The following PICALM variants were observed in gnomAD, a reference collection of about 807,000 sequenced individuals.
The protein encoded by PICALM is phosphatidylinositol-binding clathrin assembly protein.
In PICALM, 40 loss-of-function variants were observed where a neutral mutation model predicts 80.5. That is an observed-to-expected ratio of 0.50 (90% confidence interval 0.39 to 0.65). The LOEUF is 0.65. Ranked by LOEUF, PICALM falls within the 30% of genes least tolerant of loss-of-function variation. The pLI is 0.00. For missense variants in PICALM, 676 were observed against 778.9 expected (o/e 0.87, Z 1.57); for synonymous variants, 288 against 260.3 (o/e 1.11, Z -1.02).
In PICALM at chr11:86,060,577, C is replaced by G. The variant is rs1056952415; in HGVS notation, c.130+8074G>C. On this transcript the variant is annotated intron_variant, in intron 1 of 19. Transcript: ENST00000393346. ...CAAATAATGTCTTAGTATATGAAAA[C>G]AGTTTTGAACTCACAAACTTGCTGA... Among the ~76,000 whole-genome samples, 61 of 152,052 alleles carry G rather than the reference C, an allele frequency of 4.0e-4. 1 individual carries two copies. The highest frequency in any genetic ancestry group is 9.8e-4 in the Admixed American group (15 of 15,254).
At chr11:86,050,456 C>T (rs2096166898) in intron 1 of PICALM, among the ~76,000 whole-genome samples, 1 of 152,120 alleles carries the variant, frequency 6.6e-6, no homozygotes, top group East Asian at 1.9e-4. Context: ...TGACCTATTA[C>T]AGATTTCTAA....
intron 19 of PICALM, among the ~76,000 whole-genome samples, chr11:85,973,640 C>T (rs1033136386): frequency 1.3e-5 from 2 of 151,950 alleles, no homozygotes; most frequent in Admixed American, 1.3e-4. Context: ...GGAACATATC[C>T]CCCAAAGAGA....
rs781335405 is a variant in PICALM, at chr11:85,959,058, T to C, written c.1947A>G (p.Ile649Met). The C allele has an allele frequency of 6.3e-7, 1 of 1,584,226 alleles. No homozygotes were observed. The highest frequency in any genetic ancestry group is 8.6e-7 in the Non-Finnish European group (1 of 1,158,946). The change falls in exon 20 of 20, where the codon ATA becomes ATG. Residue 649 changes from isoleucine to methionine, a missense_variant and splice_region_variant. This residue lies in a region of PICALM where 391 missense variants were observed against 383.6 expected (regional missense o/e 1.02). Transcript: ENST00000393346. ...NPFGPVSGAQ[I>M]QFM ...TTCTTCCATCAAGTTACATAAACTGTATCTGGAAAAAAAAAGTGGGTATGT... is the reference window on the plus strand; with the variant it reads ...TTCTTCCATCAAGTTACATAAACTGCATCTGGAAAAAAAAAGTGGGTATGT...
intron 8 of PICALM, among the ~76,000 whole-genome samples, chr11:86,007,185 C>T (rs1316496282): frequency 6.6e-6 from 1 of 152,156 alleles, no homozygotes; most frequent in Admixed American, 6.5e-5. Context: ...AAAATAAATA[C>T]TGGATAATTC....
chr11:86,000,161 G>A (rs2095099183), intron 11 of PICALM, among the ~76,000 whole-genome samples: 1 of 152,288 alleles, frequency 6.6e-6, no homozygotes, highest in East Asian at 1.9e-4. Context: ...GATTATTAAA[G>A]TTAGTCTGGT....
intron 16 of PICALM, 133 bp downstream of exon 16, chr11:85,981,612 A>C: frequency 1.4e-6 from 1 of 698,812 alleles, no homozygotes; most frequent in South Asian, 1.9e-5. Context: ...GTGTCAAAAA[A>C]AAAAAAAAAA....
intron 13 of PICALM, among the ~76,000 whole-genome samples, chr11:85,989,991 G>A (rs957612106): frequency 4.9e-4 from 46 of 93,972 alleles, no homozygotes; most frequent in Admixed American, 9.5e-4. Flanking sequence ...ACTATAACAC[G>A]ACAGAGAACC....
rs910780159 is a variant in PICALM, at chr11:85,958,376, A to G, written c.*670T>C. The G allele has an allele frequency of 4.7e-6, 1 of 213,586 alleles. No individual in the cohort carries two copies. Among genetic ancestry groups the G allele is most frequent in the Non-Finnish European group, 9.5e-6 (1 of 105,540 alleles). 13.2% of individuals were successfully genotyped at this position (213,586 alleles called of 1,614,324 possible). On this transcript the variant is annotated 3_prime_UTR_variant, in exon 20 of 20. Coordinates refer to ENST00000393346, the MANE Select transcript of PICALM (RefSeq NM_007166.4). ...TTTAGTGCTCTGTATGTCAGCTGAGAAAAGCATTCTGAATCAGATTCATTC... is the reference window on the plus strand; with the variant it reads ...TTTAGTGCTCTGTATGTCAGCTGAGGAAAGCATTCTGAATCAGATTCATTC...
chr11:86,030,496 G>A (rs547691827), intron 2 of PICALM, among the ~76,000 whole-genome samples: 4 of 144,800 alleles, frequency 2.8e-5, no homozygotes, highest in Admixed American at 6.7e-5. Context: ...GGCACATACC[G>A]AAGAAGATTT....
intron 19 of PICALM, chr11:85,969,649 G>A (rs1382396840): frequency 2.4e-6 from 1 of 417,918 alleles, no homozygotes; most frequent in South Asian, 1.8e-5. Context: ...TTTAAAGCAT[G>A]AGAAAAACCT....
intron 10 of PICALM, 26 bp downstream of exon 10, chr11:86,001,009 G>A (rs774902201): frequency 2.6e-5 from 42 of 1,611,562 alleles, no homozygotes; most frequent in South Asian, 2.1e-4. Flanking sequence ...CTCATTTTTC[G>A]AAATAAGGAG....
intron 1 of PICALM, among the ~76,000 whole-genome samples, chr11:86,037,360 T>C (rs112715781): frequency 2.0e-4 from 29 of 147,126 alleles, no homozygotes; most frequent in African/African-American, 7.1e-4. Context: ...CCCAGGTTCA[T>C]GCAATTCTCC....
intron 18 of PICALM, among the ~76,000 whole-genome samples, chr11:85,976,300 T>A (rs2094281337): frequency 6.6e-6 from 1 of 152,204 alleles, no homozygotes; most frequent in South Asian, 2.1e-4. Flanking sequence ...CAATATCAGG[T>A]TATAAGACCT....
chr11:85,981,037 C>CT, intron 17 of PICALM, 92 bp downstream of exon 17: 1 of 685,400 alleles, frequency 1.5e-6, no homozygotes, highest in Non-Finnish European at 2.6e-6. Flanking sequence ...AACAATCCTT[C>CT]TATTTATGTC....
chr11:86,061,849 G>A (rs2096371279), intron 1 of PICALM, among the ~76,000 whole-genome samples: 1 of 151,936 alleles, frequency 6.6e-6, no homozygotes. Flanking sequence ...CAAAACTAGG[G>A]AGCAACCAAG....
At chr11:85,980,844 GA>G (rs2094421236) in intron 17 of PICALM, among the ~76,000 whole-genome samples, 1 of 152,068 alleles carries the variant, frequency 6.6e-6, no homozygotes, top group South Asian at 2.1e-4. Flanking sequence ...GTAAAATAGG[GA>G]TAATAATAGT....
intron 7 of PICALM, among the ~76,000 whole-genome samples, chr11:86,009,520 C>T (rs1565395466): frequency 1.3e-5 from 2 of 151,282 alleles, no homozygotes; most frequent in Non-Finnish European, 2.9e-5. Flanking sequence ...GGTGAAACCC[C>T]GTCTCTACTA....
chr11:86,030,857 G>C (rs554127223), intron 2 of PICALM, among the ~76,000 whole-genome samples: 1 of 152,222 alleles, frequency 6.6e-6, no homozygotes, highest in African/African-American at 2.4e-5. Context: ...GCTTACGCCT[G>C]TAATCCCAGC....
chr11:86,029,532 T>C (rs1430023528), intron 2 of PICALM, among the ~76,000 whole-genome samples: 2 of 152,258 alleles, frequency 1.3e-5, no homozygotes, highest in African/African-American at 4.8e-5. Flanking sequence ...CTTTCTCCCC[T>C]TGTCAGTCAA....
Sources: gnomAD v4.1 joint callset for allele counts (sites outside exome capture counted in the v4.1 genomes callset) on GRCh38, gnomAD v4.1.1 for gene constraint, gnomAD v4.1.1 regional missense constraint, MANE v1.5 for transcripts, NCBI Gene and HGNC (gene_info 2026-07-23, HGNC 2026-07-21) for gene names.